CAB39: variants seen among roughly 807,000 people sequenced by gnomAD.
CAB39 encodes calcium-binding protein 39.
CAB39 carries 8 observed loss-of-function variants against 40.0 expected under a neutral mutation model. The ratio of observed to expected loss-of-function variants is 0.20; its 90% CI spans 0.12 to 0.36. CAB39 has a LOEUF of 0.36. Ranked by LOEUF, CAB39 falls within the 10% of genes least tolerant of loss-of-function variation. The probability of loss-of-function intolerance (pLI) is 1.00; values close to 1 mark genes in which losing one functional copy is unlikely to be tolerated. For synonymous variants in CAB39, 156 were observed against 141.6 expected (o/e 1.10, Z -0.72); for missense variants, 270 against 401.1 (o/e 0.67, Z 2.79).
At chr2:230,813,978 C>CTGTTTT (rs1696350965) in intron 6 of CAB39, 71 bp from the exon 7 acceptor site, 2 of 113,104 alleles carry the variant, frequency 1.8e-5, no homozygotes, top group Non-Finnish European at 3.0e-5. Context: ...ACCTACCAGT[C>CTGTTTT]TTTTTTTTTT....
intron 4 of CAB39, among the ~76,000 whole-genome samples, chr2:230,797,168 A>G (rs1696000611): frequency 6.6e-6 from 1 of 152,194 alleles, no homozygotes. Flanking sequence ...AGCAGTGGGA[A>G]TGAATAAAAG....
intron 2 of CAB39, among the ~76,000 whole-genome samples, chr2:230,765,022 C>G (rs1051642592): frequency 6.6e-6 from 1 of 152,122 alleles, no homozygotes; most frequent in Non-Finnish European, 1.5e-5. Context: ...GAGTCTCGCT[C>G]TGTCGCCAGG....
At chr2:230,808,587 G>A (rs140626037) in intron 5 of CAB39, among the ~76,000 whole-genome samples, 3 of 152,084 alleles carry the variant, frequency 2.0e-5, no homozygotes, top group Non-Finnish European at 4.4e-5. Context: ...CCCCTGGAGG[G>A]GAAACGTTGT....
intron 8 of CAB39, among the ~76,000 whole-genome samples, 166 bp from the exon 9 acceptor site, chr2:230,818,350 T>A (rs1696440703): frequency 6.6e-6 from 1 of 152,246 alleles, no homozygotes; most frequent in African/African-American, 2.4e-5. Context: ...TTATTATTTT[T>A]TTTTCCAAAT....
intron 6 of CAB39, among the ~76,000 whole-genome samples, chr2:230,810,971 A>G (rs536863745): frequency 6.6e-6 from 1 of 152,310 alleles, no homozygotes; most frequent in East Asian, 1.9e-4. Context: ...AACTGCCTCT[A>G]GGGCTGCCAT....
At chr2:230,761,694 TATC>T (rs1695294774) in intron 2 of CAB39, among the ~76,000 whole-genome samples, 1 of 152,212 alleles carries the variant, frequency 6.6e-6, no homozygotes, top group South Asian at 2.1e-4. Context: ...TATTGCTTAT[TATC>T]TTTTGGTATG....
chr2:230,799,849 G>T (rs1251369964), intron 5 of CAB39, among the ~76,000 whole-genome samples: 2 of 152,074 alleles, frequency 1.3e-5, no homozygotes, highest in East Asian at 1.9e-4. Context: ...AATCAGCCGG[G>T]CGTAGTGGCG....
chr2:230,754,567 G>C (rs1695156569), intron 1 of CAB39, among the ~76,000 whole-genome samples: 2 of 151,732 alleles, frequency 1.3e-5, no homozygotes, highest in Admixed American at 6.6e-5. Flanking sequence ...TGCTCAGGCT[G>C]GAGTGCAGTG....
At chr2:230,794,040 G>A (rs938763124) in intron 4 of CAB39, among the ~76,000 whole-genome samples, 8 of 152,156 alleles carry the variant, frequency 5.3e-5, no homozygotes, top group Admixed American at 1.3e-4. Context: ...TGCCAGCCCC[G>A]GGTATGGTGT....
rs776489345 is a variant in CAB39 at position 230,782,816 on chromosome 2, T to TC, written c.115-8056_115-8055insC. Among the ~76,000 whole-genome samples the TC allele has an allele frequency of 8.2e-3, 1,014 of 123,380 alleles. 10 individuals are homozygous for TC. The highest frequency in any genetic ancestry group is 0.012 in the Admixed American group (154 of 12,432). 80.9% of individuals were successfully genotyped at this position (123,380 alleles called of 152,430 possible). A position where few individuals can be genotyped will look rare whatever the true frequency, so the allele number is the denominator to read the frequency against. On this transcript the variant is annotated intron_variant, in intron 2 of 8. Transcript: ENST00000258418. ...TTCTTTCTTTCTTTCTTTCTTTCTTTTTTTTTTTTTTTTTTTGAGAAGAAG... is the reference window on the plus strand; with the variant it reads ...TTCTTTCTTTCTTTCTTTCTTTCTTTCTTTTTTTTTTTTTTTTGAGAAGAAG...
chr2:230,804,354 A>C (rs1050665107), intron 5 of CAB39, among the ~76,000 whole-genome samples: 1 of 152,324 alleles, frequency 6.6e-6, no homozygotes, highest in Non-Finnish European at 1.5e-5. Flanking sequence ...GGACTTCATG[A>C]CTAAAATACC....
chr2:230,759,403 ACTTT>A (rs967818444), intron 1 of CAB39, among the ~76,000 whole-genome samples: 1 of 152,118 alleles, frequency 6.6e-6, no homozygotes, highest in Non-Finnish European at 1.5e-5. Flanking sequence ...ACCCTACCTA[ACTTT>A]TTGCCTCAGT....
intron 1 of CAB39, among the ~76,000 whole-genome samples, chr2:230,721,373 G>A (rs1694450132): frequency 6.6e-6 from 1 of 152,234 alleles, no homozygotes; most frequent in East Asian, 1.9e-4. Context: ...GGAGGTTGCA[G>A]TGAGCCAAGA....
intron 1 of CAB39, among the ~76,000 whole-genome samples, chr2:230,734,454 C>T (rs1694749135): frequency 6.6e-6 from 1 of 152,086 alleles, no homozygotes; most frequent in Non-Finnish European, 1.5e-5. Flanking sequence ...GGGATGTGGT[C>T]AGGTAAGGCC....
intron 1 of CAB39, among the ~76,000 whole-genome samples, chr2:230,729,474 G>A (rs909927530): frequency 1.3e-5 from 2 of 152,170 alleles, no homozygotes; most frequent in Non-Finnish European, 2.9e-5. Flanking sequence ...TTTAGTGCCC[G>A]GCGTGGTGGC....
chr2:230,751,099 T>G (rs560571529), intron 1 of CAB39, among the ~76,000 whole-genome samples: 3 of 152,354 alleles, frequency 2.0e-5, no homozygotes, highest in South Asian at 4.1e-4. Flanking sequence ...AAGAATGTGT[T>G]CATGCATGTA....
intron 7 of CAB39, among the ~76,000 whole-genome samples, chr2:230,814,329 A>C (rs1181291583): frequency 6.6e-6 from 1 of 152,030 alleles, no homozygotes; most frequent in Non-Finnish European, 1.5e-5. Flanking sequence ...ACAGAAAGGG[A>C]ATGAACGGGA....
chr2:230,733,707 A>G (rs1694735590), intron 1 of CAB39, among the ~76,000 whole-genome samples: 1 of 152,212 alleles, frequency 6.6e-6, no homozygotes, highest in African/African-American at 2.4e-5. Context: ...GAGACAGTGT[A>G]GCAGTATTCC....
At chr2:230,755,974 T>A (rs1559599544) in intron 1 of CAB39, among the ~76,000 whole-genome samples, 1 of 152,216 alleles carries the variant, frequency 6.6e-6, no homozygotes, top group Non-Finnish European at 1.5e-5. Flanking sequence ...CTGCACATCC[T>A]TCAAGGTCAC....
Sources: allele counts gnomAD v4.1 joint callset (sites outside exome capture counted in the v4.1 genomes callset), GRCh38; gene constraint gnomAD v4.1.1; transcripts MANE v1.5; gene names NCBI Gene and HGNC (gene_info 2026-07-23, HGNC 2026-07-21).